Variants in CPSF3 observed in about 807,000 individuals in gnomAD.
CPSF3 encodes cleavage and polyadenylation specificity factor subunit 3.
CPSF3 carries 57 observed loss-of-function variants against 84.1 expected under a neutral mutation model. That is an observed-to-expected ratio of 0.68 (90% CI 0.55 to 0.85). CPSF3 has a LOEUF of 0.85. Among genes scored for constraint, CPSF3 ranks in the 40% least tolerant of loss-of-function variants. The probability of loss-of-function intolerance (pLI) is 0.00; values close to 1 mark genes in which losing one functional copy is unlikely to be tolerated. For missense variants in CPSF3, 522 were observed against 838.8 expected (o/e 0.62, Z 4.66); for synonymous variants, 275 against 278.1 (o/e 0.99, Z 0.11).
At chr2:9,469,037 T>C (rs1373147472) in intron 16 of CPSF3, among the ~76,000 whole-genome samples, 1 of 152,194 alleles carries the variant, frequency 6.6e-6, no homozygotes, top group African/African-American at 2.4e-5. Flanking sequence ...TGTTGTCATT[T>C]TGATTTTAAA....
rs1191218365 is a variant in CPSF3 at position 9,467,094 on chromosome 2, C to T, written c.1787-613C>T. Among the ~76,000 whole-genome samples, 3 of 152,278 alleles carry T rather than the reference C, an allele frequency of 2.0e-5. No individual in the cohort carries two copies. In the East Asian group the frequency reaches 5.8e-4, roughly 29 times the overall value. ...AGGAAGTGCCAGACTGTGAGCTCTG[C>T]ACTCTTTTGCTACTGTTGATGCACT... On this transcript the variant is annotated intron_variant, in intron 15 of 17. Transcript: ENST00000238112.
At chr2:9,466,208 GCGCACACACGCA>G (rs1441965388) in intron 15 of CPSF3, among the ~76,000 whole-genome samples, 12 of 147,656 alleles carry the variant, frequency 8.1e-5, no homozygotes, top group Non-Finnish European at 1.0e-4. Flanking sequence ...ACACACACAC[GCGCACACACGCA>G]CGCACACACA....
At chr2:9,453,995 TA>T (rs1681423864) in intron 12 of CPSF3, among the ~76,000 whole-genome samples, 1 of 152,258 alleles carries the variant, frequency 6.6e-6, no homozygotes, top group South Asian at 2.1e-4. Flanking sequence ...TTTGTCTTTA[TA>T]AATTTACTGA....
intron 1 of CPSF3, 76 bp downstream of exon 1, chr2:9,423,899 C>G: frequency 1.3e-6 from 2 of 1,568,072 alleles, no homozygotes; most frequent in Non-Finnish European, 1.7e-6. Context: ...CTGGCCTCCT[C>G]CGTCGCCCGC....
chr2:9,443,493 T>TA, intron 9 of CPSF3, 22 bp from the exon 10 acceptor site: 1 of 1,594,868 alleles, frequency 6.3e-7, no homozygotes, highest in Non-Finnish European at 8.6e-7. Flanking sequence ...TTTGTTTTGT[T>TA]ATTTTTCTTT....
chr2:9,450,455 T>C (rs536187810), intron 11 of CPSF3, among the ~76,000 whole-genome samples: 11 of 151,590 alleles, frequency 7.3e-5, no homozygotes, highest in African/African-American at 2.4e-4. Context: ...GTGCCCAGTC[T>C]GAGGCTCAAA....
Position 9,433,864 on chromosome 2 carries a change from T to C in CPSF3, c.520-7T>C, listed in dbSNP as rs1220412404. 1.9e-6 allele frequency: 3 copies of C among 1,593,966 alleles called. No individual in the cohort carries two copies. The Admixed American group carries it at 5.2e-5, about 28-fold the overall frequency. ...ATCCTAACTTTCTAGTTTTATCTTT[T>C]TCACAGCTTTTGTACACTGGTGATT... On this transcript the variant is annotated splice_region_variant and splice_polypyrimidine_tract_variant and intron_variant, in intron 5 of 17. Coordinates refer to ENST00000238112, the MANE Select transcript of CPSF3 (RefSeq NM_016207.4).
chr2:9,436,289 G>A lies in CPSF3; in HGVS notation c.688G>A (p.Val230Ile). The A allele has an allele frequency of 1.2e-6, 2 of 1,613,994 alleles. No homozygotes were observed. Among genetic ancestry groups the A allele is most frequent in the Non-Finnish European group, 1.7e-6 (2 of 1,179,926 alleles). Residue 230 changes from valine (V) to isoleucine (I), a missense_variant, in exon 7 of 18, where the codon GTA (valine) becomes ATA (isoleucine). Transcript: ENST00000238112. The stretch of plus-strand genomic sequence containing the variant: ...ATTCTGTAACACTGTCCACGATATT[G>A]TAAACAGAGGAGGCAGGGGTCTCAT... The part of the protein sequence containing the change: ...ARFCNTVHDI[V>I]NRGGRGLIPV...
intron 15 of CPSF3, among the ~76,000 whole-genome samples, chr2:9,463,851 A>T (rs979549732): frequency 6.6e-6 from 1 of 152,240 alleles, no homozygotes; most frequent in Non-Finnish European, 1.5e-5. Flanking sequence ...CTTTCCTGCT[A>T]CAGCAGCAGA....
At chr2:9,447,922 T>C (rs987483179) in intron 10 of CPSF3, among the ~76,000 whole-genome samples, 24 of 152,126 alleles carry the variant, frequency 1.6e-4, no homozygotes, top group African/African-American at 5.6e-4. Flanking sequence ...CAGTGAAACA[T>C]GGAAAAGGCG....
chr2:9,440,591 T>C lies in CPSF3; in HGVS notation c.861T>C (p.Asn287=), dbSNP rs1680934613. 6.2e-7 allele frequency: 1 copy of C among 1,614,052 alleles called. No homozygotes were observed. Among genetic ancestry groups the C allele is most frequent in the African/African-American group, 1.3e-5 (1 of 74,932 alleles). ...KCMAVYQTYV[N]AMNDKIRKQI... Reference sequence around the variant, plus strand: ...TGGCAGTGTACCAGACATATGTAAATGCCATGAATGACAAAATCCGCAAAC... The same window carrying C: ...TGGCAGTGTACCAGACATATGTAAACGCCATGAATGACAAAATCCGCAAAC... Residue 287 remains asparagine (N), a synonymous_variant, in exon 8 of 18, where the codon AAT becomes AAC. Transcript: ENST00000238112.
intron 13 of CPSF3, 62 bp from the exon 14 acceptor site, chr2:9,456,871 G>A (rs765656038): frequency 4.1e-5 from 41 of 1,004,264 alleles, no homozygotes; most frequent in Non-Finnish European, 5.8e-5. Flanking sequence ...ATAAACAAAC[G>A]AATGGTCTCT....
chr2:9,429,885 G>A (rs779263499), intron 2 of CPSF3, 38 bp from the exon 3 acceptor site: 3 of 1,353,330 alleles, frequency 2.2e-6, no homozygotes, highest in East Asian at 2.4e-5. Flanking sequence ...TTAATAAAAT[G>A]TGCAGGAGAT....
chr2:9,436,481 T>A (rs965395914), intron 7 of CPSF3, 120 bp downstream of exon 7: 1 of 1,194,506 alleles, frequency 8.4e-7, no homozygotes. Flanking sequence ...CATTTAAAAA[T>A]AGAGATTTGG....
intron 10 of CPSF3, among the ~76,000 whole-genome samples, chr2:9,445,689 G>A (rs975185505): frequency 2.0e-5 from 3 of 152,134 alleles, no homozygotes; most frequent in Non-Finnish European, 4.4e-5. Context: ...AGGAAAAGCC[G>A]AATTGCTCTT....
At chr2:9,451,071 G>A (rs1289941592) in intron 11 of CPSF3, among the ~76,000 whole-genome samples, 1 of 151,886 alleles carries the variant, frequency 6.6e-6, no homozygotes, top group East Asian at 1.9e-4. Flanking sequence ...GATATGTGGG[G>A]AGAAAAAAAA....
intron 1 of CPSF3, chr2:9,424,230 G>T (rs1021192357): frequency 6.0e-6 from 6 of 997,022 alleles, no homozygotes; most frequent in Non-Finnish European, 6.0e-6. Context: ...GGCTACAGCC[G>T]TGCAGGGAAG....
At chr2:9,464,363 T>C (rs919892654) in intron 15 of CPSF3, among the ~76,000 whole-genome samples, 1 of 152,056 alleles carries the variant, frequency 6.6e-6, no homozygotes, top group African/African-American at 2.4e-5. Flanking sequence ...TATATACATA[T>C]ATATACACAC....
chr2:9,466,415 C>T (rs1387007199), intron 15 of CPSF3, among the ~76,000 whole-genome samples: 3 of 145,032 alleles, frequency 2.1e-5, no homozygotes, highest in South Asian at 4.2e-4. Context: ...CGCGCACACA[C>T]GCACACGCGC....
Sources: allele counts gnomAD v4.1 joint callset (sites outside exome capture counted in the v4.1 genomes callset), GRCh38; gene constraint gnomAD v4.1.1; transcripts MANE v1.5; gene names NCBI Gene and HGNC (gene_info 2026-07-23, HGNC 2026-07-21).